Variants in NLGN1 observed in about 807,000 individuals in gnomAD.
NLGN1 encodes the protein neuroligin-1.
In NLGN1, 12 loss-of-function variants were observed where a neutral mutation model predicts 65.5. The observed-to-expected ratio is 0.18, with a 90% CI of 0.12 to 0.30. The LOEUF (loss-of-function observed/expected upper bound fraction) is 0.30. Among genes scored for constraint, NLGN1 ranks in the 10% least tolerant of loss-of-function variants. The pLI is 1.00. For missense variants in NLGN1, 750 were observed against 1,007.1 expected, an observed-to-expected ratio of 0.74 and a Z score of 3.46; for synonymous variants, 350 against 359.5, an observed-to-expected ratio of 0.97 and a Z score of 0.30.
chr3:173,803,311 T>C (rs1715875999), intron 3 of NLGN1, among the ~76,000 whole-genome samples: 1 of 152,122 alleles, frequency 6.6e-6, no homozygotes. Flanking sequence ...TAATAATGCC[T>C]TCATATTAAC....
intron 2 of NLGN1, among the ~76,000 whole-genome samples, chr3:173,475,611 G>T (rs1726062383): frequency 6.6e-6 from 1 of 152,152 alleles, no homozygotes; most frequent in African/African-American, 2.4e-5. Flanking sequence ...GTCTGCCAGT[G>T]AATCCCCAGA....
intron 1 of NLGN1, among the ~76,000 whole-genome samples, chr3:173,408,739 C>T (rs1171982446): frequency 6.6e-6 from 1 of 151,968 alleles, no homozygotes; most frequent in Non-Finnish European, 1.5e-5. Context: ...GGTGAAACCC[C>T]GTCTCTACTA....
At chr3:173,510,581 C>T (rs1040450537) in intron 2 of NLGN1, among the ~76,000 whole-genome samples, 3 of 152,114 alleles carry the variant, frequency 2.0e-5, no homozygotes, top group South Asian at 2.1e-4. Context: ...TATTAATTAT[C>T]GTATTGGCTC....
At chr3:174,287,002 G>C (rs1752201905), downstream of NLGN1, among the ~76,000 whole-genome samples, 1 of 151,508 alleles carries the variant, frequency 6.6e-6, no homozygotes, top group African/African-American at 2.4e-5. Flanking sequence ...GCTTTAAATA[G>C]AGATGTGTGA....
intron 4 of NLGN1, among the ~76,000 whole-genome samples, chr3:174,163,206 AC>A (rs1726889563): frequency 6.6e-6 from 1 of 151,996 alleles, no homozygotes; most frequent in African/African-American, 2.4e-5. Context: ...ACGAGCATCA[AC>A]CTTATTCTTC....
At chr3:174,100,286 A>C (rs1428880326) in intron 4 of NLGN1, among the ~76,000 whole-genome samples, 1 of 151,986 alleles carries the variant, frequency 6.6e-6, no homozygotes, top group East Asian at 1.9e-4. Flanking sequence ...TAAAAAAAAA[A>C]AAACTTTATT....
chr3:174,096,179 T>C (rs1745486935), intron 4 of NLGN1, among the ~76,000 whole-genome samples: 1 of 150,172 alleles, frequency 6.7e-6, no homozygotes, highest in Admixed American at 6.7e-5. Flanking sequence ...GATATGTGTG[T>C]ATAGAATATA....
intron 2 of NLGN1, among the ~76,000 whole-genome samples, chr3:173,489,845 G>C (rs1397201072): frequency 2.0e-5 from 3 of 152,038 alleles, no homozygotes; most frequent in Non-Finnish European, 2.9e-5. Flanking sequence ...GTGATGATGA[G>C]CATTTTTTCA....
intron 3 of NLGN1, among the ~76,000 whole-genome samples, chr3:173,778,810 T>G (rs962981069): frequency 6.6e-6 from 1 of 151,666 alleles, no homozygotes; most frequent in Non-Finnish European, 1.5e-5. Flanking sequence ...TAGAAACAAA[T>G]ATAGAATTCT....
chr3:173,786,368 C>T (rs1781962792), intron 3 of NLGN1, among the ~76,000 whole-genome samples: 1 of 151,944 alleles, frequency 6.6e-6, no homozygotes, highest in African/African-American at 2.4e-5. Context: ...TGATCTTGTT[C>T]TCATATGTTT....
chr3:173,634,115 G>GT (rs1215255149), intron 3 of NLGN1, among the ~76,000 whole-genome samples: 2 of 151,964 alleles, frequency 1.3e-5, no homozygotes, highest in African/African-American at 4.8e-5. Flanking sequence ...GGGATTTTAA[G>GT]TTTTTTTAAT....
Position 173,428,592 on chromosome 3 carries a change from T to A in NLGN1, c.-389-6418T>A, listed in dbSNP as rs200937646. On this transcript the variant is annotated intron_variant, in intron 1 of 6. Transcript: ENST00000457714. ...TTGACCTTTTTTGTCTCAATTTTTA[T>A]CTTTATATATTCCTATCTCTTAAGA... Among the ~76,000 whole-genome samples, 6 of 152,196 alleles carry A rather than the reference T, an allele frequency of 3.9e-5. No homozygotes were observed. The East Asian group carries it at 1.2e-3, about 29-fold the overall frequency.
intron 4 of NLGN1, among the ~76,000 whole-genome samples, chr3:174,185,339 AT>A (rs1731192182): frequency 6.6e-6 from 1 of 152,174 alleles, no homozygotes; most frequent in Non-Finnish European, 1.5e-5. Context: ...ACTTTCTGTG[AT>A]TATAGAAATA....
At chr3:174,269,180 A>T (rs1165688622) in intron 4 of NLGN1, among the ~76,000 whole-genome samples, 1 of 151,752 alleles carries the variant, frequency 6.6e-6, no homozygotes, top group East Asian at 1.9e-4. Context: ...TATAGTAAAA[A>T]AATTTAACAT....
At chr3:174,106,980 T>TCACACACA (rs370193288) in intron 4 of NLGN1, among the ~76,000 whole-genome samples, 3 of 113,190 alleles carry the variant, frequency 2.7e-5, no homozygotes, top group Non-Finnish European at 5.6e-5. Flanking sequence ...TCTTCAAGAA[T>TCACACACA]CACACACACA....
intron 4 of NLGN1, among the ~76,000 whole-genome samples, chr3:174,027,685 C>G (rs1236434233): frequency 1.4e-4 from 21 of 152,024 alleles, no homozygotes; most frequent in Non-Finnish European, 4.4e-5. Flanking sequence ...TTCAGGATGG[C>G]TCAAGTTTTG....
intron 4 of NLGN1, among the ~76,000 whole-genome samples, chr3:174,109,639 T>A (rs1261638789): frequency 6.6e-6 from 1 of 152,108 alleles, no homozygotes; most frequent in Admixed American, 6.6e-5. Flanking sequence ...TGTATTCTTT[T>A]ATCCTTCTTT....
chr3:173,987,075 C>A (rs1297482994), intron 4 of NLGN1, among the ~76,000 whole-genome samples: 2 of 152,110 alleles, frequency 1.3e-5, no homozygotes, highest in African/African-American at 2.4e-5. Flanking sequence ...CTTGACCAGG[C>A]AACATTTTGG....
intron 2 of NLGN1, among the ~76,000 whole-genome samples, chr3:173,493,849 AGT>A (rs1297598914): frequency 6.6e-6 from 1 of 150,978 alleles, no homozygotes; most frequent in Non-Finnish European, 1.5e-5. Flanking sequence ...ATAGAGAGAG[AGT>A]ATTTCTTCAG....
Sources: gnomAD v4.1 joint callset for allele counts (sites outside exome capture counted in the v4.1 genomes callset) on GRCh38, gnomAD v4.1.1 for gene constraint, MANE v1.5 for transcripts, NCBI Gene and HGNC (gene_info 2026-07-23, HGNC 2026-07-21) for gene names.